The following PCDHGA9 variants were observed in gnomAD, a reference collection of about 807,000 sequenced individuals.
PCDHGA9 encodes protocadherin gamma-A9.
In PCDHGA9, 37 loss-of-function variants were observed where a neutral mutation model predicts 62.5. That is an observed-to-expected ratio of 0.59 (90% CI 0.46 to 0.78). The LOEUF (loss-of-function observed/expected upper bound fraction) is 0.78, where lower values mean the gene tolerates loss of function less well. PCDHGA9 is among the 30% of genes least tolerant of loss of function. PCDHGA9 has a pLI of 0.00. For missense variants in PCDHGA9, 1,138 were observed against 1,166.2 expected, an observed-to-expected ratio of 0.98 and a Z score of 0.35; for synonymous variants, 459 against 484.6, an observed-to-expected ratio of 0.95 and a Z score of 0.69.
intron 1 of PCDHGA9, among the ~76,000 whole-genome samples, chr5:141,494,188 T>G (rs2099752632): frequency 6.6e-6 from 1 of 152,186 alleles, no homozygotes; most frequent in Non-Finnish European, 1.5e-5. Flanking sequence ...GTCCCGGGAC[T>G]TGGATGCCCC....
At chr5:141,421,986 AG>A in intron 1 of PCDHGA9, 2 of 1,609,004 alleles carry the variant, frequency 1.2e-6, no homozygotes, top group Non-Finnish European at 1.7e-6. Flanking sequence ...TGAGTGTTCC[AG>A]AAAACATCAG....
intron 1 of PCDHGA9, among the ~76,000 whole-genome samples, chr5:141,465,104 T>A (rs1044128193): frequency 1.3e-5 from 2 of 151,862 alleles, no homozygotes; most frequent in East Asian, 3.9e-4. Context: ...GTTTTTTTTT[T>A]AAGTGTTTTA....
chr5:141,457,471 C>T (rs1478580665), intron 1 of PCDHGA9, among the ~76,000 whole-genome samples: 1 of 152,182 alleles, frequency 6.6e-6, no homozygotes, highest in African/African-American at 2.4e-5. Context: ...CAGGAATAAG[C>T]AGGGCCAGGG....
chr5:141,494,751 G>C (rs2099756509), intron 1 of PCDHGA9, 56 bp from the exon 2 acceptor site: 2 of 1,613,426 alleles, frequency 1.2e-6, no homozygotes, highest in African/African-American at 1.3e-5. Flanking sequence ...AGGGGCTCGG[G>C]TGACATTCTA....
chr5:141,487,919 A>G lies in PCDHGA9; in HGVS notation c.2425-6888A>G, dbSNP rs548678238. ...ATGGAATGTGGGAGCACAGGAGGCTACAGTGCACAGGGTACAGTGCACCAG... is the reference window on the plus strand; with the variant it reads ...ATGGAATGTGGGAGCACAGGAGGCTGCAGTGCACAGGGTACAGTGCACCAG... On this transcript the variant is annotated intron_variant, in intron 1 of 3. Transcript: ENST00000573521. The surrounding 1 kb of genome is among the most constrained non-coding windows in gnomAD (Gnocchi z 5.0). 23 of 644,878 alleles carry G rather than the reference A, an allele frequency of 3.6e-5. No individual in the cohort carries two copies. Among genetic ancestry groups the G allele is most frequent in the Non-Finnish European group, 5.6e-5 (21 of 374,374 alleles). 39.9% of individuals were successfully genotyped at this position (644,878 alleles called of 1,614,324 possible). A position where few individuals can be genotyped will look rare whatever the true frequency, so the allele number is the denominator to read the frequency against.
At chr5:141,442,947 C>T (rs185574624) in intron 1 of PCDHGA9, among the ~76,000 whole-genome samples, 92 of 152,282 alleles carry the variant, frequency 6.0e-4, no homozygotes, top group African/African-American at 1.7e-3. Flanking sequence ...AACTTCCTCT[C>T]ACTGCAAAAA....
chr5:141,466,223 T>C (rs1313406487), intron 1 of PCDHGA9, among the ~76,000 whole-genome samples: 1 of 152,096 alleles, frequency 6.6e-6, no homozygotes, highest in African/African-American at 2.4e-5. Context: ...CAGGCTGGAG[T>C]GCAGTGGCAC....
Position 141,496,888 on chromosome 5 carries a change from TA to T in PCDHGA9, c.2483+2038del, listed in dbSNP as rs35063790. 4.6e-3 allele frequency among the ~76,000 whole-genome samples: 621 copies of T among 133,932 alleles called. 1 individual carries two copies. Among genetic ancestry groups the T allele is most frequent in the Middle Eastern group, 0.011 (3 of 270 alleles). 87.9% of individuals were successfully genotyped at this position (133,932 alleles called of 152,430 possible). ...CTGAAAATTTGCAACAAGTAACACT[TA>T]AAAAAAAAAAAAAAGGCTGGGCACT... On this transcript the variant is annotated intron_variant, in intron 2 of 3. Coordinates refer to ENST00000573521, the MANE Select transcript of PCDHGA9 (RefSeq NM_018921.3).
intron 1 of PCDHGA9, among the ~76,000 whole-genome samples, chr5:141,444,758 T>C (rs1430492886): frequency 1.3e-5 from 2 of 152,262 alleles, no homozygotes; most frequent in East Asian, 3.8e-4. Flanking sequence ...TATGTAGTTC[T>C]ATTTCTATAT....
chr5:141,511,182 C>A lies in PCDHGA9; in HGVS notation c.*9C>A. ...AGAAGGAGAAGAAGTAACATGGAGG[C>A]CAGGCCAAGAGCCACAGGGCGGCCT... is the stretch of plus-strand genomic sequence containing the variant. On this transcript the variant is annotated 3_prime_UTR_variant, in exon 4 of 4. Transcript: ENST00000573521. 6.2e-7 allele frequency: 1 copy of A among 1,614,022 alleles called. No homozygotes were observed. Among genetic ancestry groups the A allele is most frequent in the Non-Finnish European group, 8.5e-7 (1 of 1,179,946 alleles).
chr5:141,464,306 A>G (rs1438401635), intron 1 of PCDHGA9, among the ~76,000 whole-genome samples: 3 of 150,952 alleles, frequency 2.0e-5, no homozygotes. Context: ...TTGTATGTGC[A>G]CATATCATTA....
intron 1 of PCDHGA9, among the ~76,000 whole-genome samples, chr5:141,474,114 C>T (rs940809934): frequency 2.6e-5 from 4 of 152,224 alleles, no homozygotes; most frequent in South Asian, 2.1e-4. Context: ...ACAACAACAA[C>T]GAAAATCTCA....
chr5:141,411,766 C>A (rs796623075), intron 1 of PCDHGA9: 1 of 152,454 alleles, frequency 6.6e-6, no homozygotes, highest in South Asian at 2.1e-4. Context: ...CCTGTGGTCT[C>A]AGCTACTCTG....
Position 141,487,945 on chromosome 5 carries a change from G to A in PCDHGA9, c.2425-6862G>A, listed in dbSNP as rs2099669554. ...CAGTGCACAGGGTACAGTGCACCAG[G>A]CAGTCACTTGGACAAAGGTGGCTGT... On this transcript the variant is annotated intron_variant, in intron 1 of 3. Transcript: ENST00000573521. This position sits in a 1 kb window ranked among gnomAD's most constrained non-coding sequence, Gnocchi z 5.0. Among the ~76,000 whole-genome samples the A allele has an allele frequency of 6.6e-6, 1 of 152,198 alleles. No individual in the cohort carries two copies. Among genetic ancestry groups the A allele is most frequent in the Non-Finnish European group, 1.5e-5 (1 of 68,036 alleles).
In PCDHGA9 at chr5:141,432,776, G is replaced by C. The variant is rs975435403; in HGVS notation, c.2424+27400G>C. 1.9e-6 allele frequency: 3 copies of C among 1,614,172 alleles called. No homozygotes were observed. In the African/African-American group the frequency reaches 4.0e-5, roughly 22 times the overall value. ...GGCCGACAGCATCCCCCAAGTCCTG[G>C]CGGACCTCGGCAGCCTCGAGTCTCC... On this transcript the variant is annotated intron_variant, in intron 1 of 3. Transcript: ENST00000573521. This position sits in a 1 kb window ranked among gnomAD's most constrained non-coding sequence, Gnocchi z 6.0.
intron 1 of PCDHGA9, chr5:141,424,031 T>G (rs2096796228): frequency 1.9e-6 from 2 of 1,036,050 alleles, no homozygotes; most frequent in African/African-American, 3.4e-5. Flanking sequence ...AAACACTTTT[T>G]ATTTCCATTT....
intron 1 of PCDHGA9, among the ~76,000 whole-genome samples, chr5:141,434,703 G>C (rs1198306104): frequency 6.6e-6 from 1 of 151,730 alleles, no homozygotes; most frequent in Non-Finnish European, 1.5e-5. Context: ...TAAATATGTG[G>C]GTAAATCTCT....
chr5:141,408,315 C>T lies in PCDHGA9; in HGVS notation c.2424+2939C>T, dbSNP rs757628906. The stretch of plus-strand genomic sequence containing the variant: ...AGTGAGCCGATCCGCTACTCGATTC[C>T]GGAGGAGCTGGCCAAGGGCTCGGTG... On this transcript the variant is annotated intron_variant, in intron 1 of 3. Coordinates refer to ENST00000573521, the MANE Select transcript of PCDHGA9 (RefSeq NM_018921.3). The T allele has an allele frequency of 5.6e-6, 9 of 1,613,712 alleles. No homozygotes were observed. The highest frequency in any genetic ancestry group is 6.8e-6 in the Non-Finnish European group (8 of 1,179,748).
intron 1 of PCDHGA9, among the ~76,000 whole-genome samples, chr5:141,453,643 T>G (rs1267570786): frequency 2.6e-5 from 4 of 152,240 alleles, no homozygotes; most frequent in Non-Finnish European, 5.9e-5. Flanking sequence ...TATATTTTCT[T>G]ATGTCCTCTT....
Sources: gnomAD v4.1 joint callset for allele counts (sites outside exome capture counted in the v4.1 genomes callset) on GRCh38, gnomAD v4.1.1 for gene constraint, Gnocchi (gnomAD v3.1) non-coding constraint, MANE v1.5 for transcripts, NCBI Gene and HGNC (gene_info 2026-07-23, HGNC 2026-07-21) for gene names.